CNPY3: variants seen among roughly 807,000 people sequenced by gnomAD.
The protein encoded by CNPY3 is canopy FGF signaling regulator 3.
In CNPY3, 20 loss-of-function variants were observed where a neutral mutation model predicts 32.0. The observed-to-expected ratio is 0.63, with a 90% CI of 0.44 to 0.91. The LOEUF (loss-of-function observed/expected upper bound fraction) is 0.91. Ranked by LOEUF, CNPY3 falls within the 40% of genes least tolerant of loss-of-function variation. The pLI, the probability that CNPY3 is intolerant of heterozygous loss-of-function variation, is 0.00. For missense variants in CNPY3, 299 were observed against 340.8 expected (o/e 0.88, Z 0.97); for synonymous variants, 138 against 142.9 (o/e 0.97, Z 0.24).
At chr6:42,928,740 G>C (rs1437402472), upstream of CNPY3, among the ~76,000 whole-genome samples, 1 of 152,132 alleles carries the variant, frequency 6.6e-6, no homozygotes, top group Admixed American at 6.5e-5. Context: ...GGCAGTAAAA[G>C]GGGCTGGGAT....
At chr6:42,937,884 GGGC>G in intron 4 of CNPY3, 45 bp downstream of exon 4, 1 of 1,611,948 alleles carries the variant, frequency 6.2e-7, no homozygotes, top group Non-Finnish European at 8.5e-7. Context: ...GCCCAGTGAG[GGGC>G]TGGTGGGGAT....
intron 4 of CNPY3, 45 bp downstream of exon 4, chr6:42,937,884 G>A (rs1768344641): frequency 5.6e-6 from 9 of 1,611,830 alleles, no homozygotes; most frequent in Middle Eastern, 1.7e-4. Context: ...GCCCAGTGAG[G>A]GGCTGGTGGG....
rs554811717 is a variant in CNPY3 at position 42,936,471 on chromosome 6, G to A, written c.372+801G>A. Among the ~76,000 whole-genome samples the A allele has an allele frequency of 3.9e-5, 6 of 152,270 alleles. No individual in the cohort carries two copies. The East Asian group carries it at 7.7e-4, about 20-fold the overall frequency. The stretch of plus-strand genomic sequence containing the variant: ...CCAGCCGTTTGGTGGACTAGTATGC[G>A]GCTGGAAACGAAGCATGGGGAGGCT... On this transcript the variant is annotated intron_variant, in intron 3 of 5. Transcript: ENST00000372836.
At chr6:42,937,354 G>A (rs1039300347) in intron 3 of CNPY3, among the ~76,000 whole-genome samples, 7 of 152,122 alleles carry the variant, frequency 4.6e-5, no homozygotes, top group African/African-American at 1.7e-4. Context: ...TGTAATCTCA[G>A]CACTTTGGGA....
intron 1 of CNPY3, among the ~76,000 whole-genome samples, chr6:42,930,352 G>A (rs959539435): frequency 6.6e-6 from 1 of 152,182 alleles, no homozygotes; most frequent in Non-Finnish European, 1.5e-5. Context: ...ACAGTGTCTG[G>A]TAGGCACTCA....
At position 42,938,688 on chromosome 6, in the gene CNPY3, A is replaced by C; in HGVS notation, c.734A>C (p.Gln245Pro). 1 of 1,613,826 alleles carries C rather than the reference A, an allele frequency of 6.2e-7. No homozygotes were observed. Among genetic ancestry groups the C allele is most frequent in the Non-Finnish European group, 8.5e-7 (1 of 1,179,900 alleles). The change falls in exon 6 of 6, where the codon CAA becomes CCA. Residue 245 changes from glutamine to proline, a missense_variant. Physicochemically the swap from Gln to Pro is moderately conservative, Grantham distance 76. This residue lies in a region of CNPY3 where 211 missense variants were observed against 278.3 expected (regional missense o/e 0.76). Transcript: ENST00000372836. ...GGCGGCAGGAGTAGCAGCAGCAAAC[A>C]AAGGAAGGAGCTGGGTGGCCTTGAG... ...AAGGRSSSSK[Q>P]RKELGGLEGD...
chr6:42,937,950 T>G, intron 4 of CNPY3, 111 bp downstream of exon 4: 1 of 1,501,412 alleles, frequency 6.7e-7, no homozygotes, highest in Non-Finnish European at 9.2e-7. Flanking sequence ...GGTCAGGTCA[T>G]TTCACCTCTC....
Position 42,934,550 on chromosome 6 carries a change from G to T in CNPY3, c.227G>T (p.Gly76Val), listed in dbSNP as rs760063356. 23 of 1,614,014 alleles carry T rather than the reference G, an allele frequency of 1.4e-5. No homozygotes were observed. In the Admixed American group the frequency reaches 2.7e-4, roughly 19 times the overall value. ...TGKTKEVIGT[G>V]YGILDQKASG... ...AAGACCAAGGAGGTGATTGGCACGG[G>T]CTATGGCATCCTGGACCAGAAGGCC... Residue 76 changes from glycine to valine, a missense_variant, in exon 2 of 6, where the codon GGC (glycine) becomes GTC (valine). Transcript: ENST00000372836.
chr6:42,933,097 A>G (rs1581705512), intron 1 of CNPY3, among the ~76,000 whole-genome samples: 1 of 152,200 alleles, frequency 6.6e-6, no homozygotes, highest in South Asian at 2.1e-4. Flanking sequence ...TAGGGAGAGC[A>G]TGGATCCTGC....
chr6:42,936,529 T>C (rs997327297), intron 3 of CNPY3, among the ~76,000 whole-genome samples: 1 of 151,876 alleles, frequency 6.6e-6, no homozygotes, highest in Admixed American at 6.6e-5. Context: ...ATTTTCAAGG[T>C]TTTTGTGTGT....
At chr6:42,929,029 A>G (rs549986666), upstream of CNPY3, among the ~76,000 whole-genome samples, 9 of 152,312 alleles carry the variant, frequency 5.9e-5, no homozygotes, top group South Asian at 1.5e-3. Context: ...CCCGGCTATA[A>G]CAACCACAAT....
chr6:42,935,930 C>G (rs1768190273), intron 3 of CNPY3, among the ~76,000 whole-genome samples: 1 of 150,962 alleles, frequency 6.6e-6, no homozygotes, highest in Non-Finnish European at 1.5e-5. Context: ...GTTGCTGCCC[C>G]CGTGGGAACC....
chr6:42,936,561 T>G (rs1158219154), intron 3 of CNPY3, among the ~76,000 whole-genome samples: 1 of 152,024 alleles, frequency 6.6e-6, no homozygotes, highest in African/African-American at 2.4e-5. Context: ...GGAGACAGAG[T>G]CTCACACTCT....
At chr6:42,929,199 C>A (rs779734696), upstream of CNPY3, 4 of 133,652 alleles carry the variant, frequency 3.0e-5, no homozygotes, top group Admixed American at 7.7e-5. Context: ...CAGGCCCAGA[C>A]GCAGGCTTCT....
At chr6:42,934,847 G>A (rs563301058) in intron 2 of CNPY3, among the ~76,000 whole-genome samples, 10 of 152,262 alleles carry the variant, frequency 6.6e-5, no homozygotes, top group African/African-American at 1.9e-4. Context: ...ATTCTCAGAC[G>A]CTTGGATTTC....
intron 3 of CNPY3, among the ~76,000 whole-genome samples, chr6:42,936,588 C>T (rs970963624): frequency 6.6e-6 from 1 of 152,154 alleles, no homozygotes; most frequent in East Asian, 1.9e-4. Context: ...CAAGCTGGAG[C>T]GCAGTGGTGC....
chr6:42,935,022 G>A (rs139143468), intron 2 of CNPY3, among the ~76,000 whole-genome samples: 14 of 152,076 alleles, frequency 9.2e-5, no homozygotes, highest in South Asian at 4.2e-4. Flanking sequence ...GTGCCATCAC[G>A]CCCAGCTAAT....
At chr6:42,937,612 G>A in intron 3 of CNPY3, 105 bp from the exon 4 acceptor site, 1 of 1,190,622 alleles carries the variant, frequency 8.4e-7, no homozygotes, top group Non-Finnish European at 1.2e-6. Flanking sequence ...TCCTTAGAGG[G>A]CGTTGAGCAT....
intron 1 of CNPY3, among the ~76,000 whole-genome samples, chr6:42,933,665 T>G (rs895867670): frequency 2.0e-5 from 3 of 152,176 alleles, no homozygotes; most frequent in Non-Finnish European, 4.4e-5. Flanking sequence ...AGGTCTTTTT[T>G]CTCAGGAGAT....
Sources: gnomAD v4.1 joint callset for allele counts (sites outside exome capture counted in the v4.1 genomes callset) on GRCh38, gnomAD v4.1.1 for gene constraint, gnomAD v4.1.1 regional missense constraint, MANE v1.5 for transcripts, NCBI Gene and HGNC (gene_info 2026-07-23, HGNC 2026-07-21) for gene names.